Variants in WDR86 observed in about 807,000 individuals in gnomAD.
WDR86 encodes WD repeat-containing protein 86.
WDR86 carries 30 observed loss-of-function variants against 36.5 expected under a neutral mutation model. The ratio of observed to expected loss-of-function variants is 0.82; its 90% CI spans 0.61 to 1.11. The LOEUF is 1.11. WDR86 is among the 50% of genes most tolerant of loss of function. The probability of loss-of-function intolerance (pLI) is 0.00; values close to 1 mark genes in which losing one functional copy is unlikely to be tolerated. For missense variants in WDR86, 545 were observed against 561.2 expected, an observed-to-expected ratio of 0.97 and a Z score of 0.29; for synonymous variants, 255 against 252.9, an observed-to-expected ratio of 1.01 and a Z score of -0.08.
chr7:151,379,938 G>A (rs543676352), downstream of WDR86, among the ~76,000 whole-genome samples: 142 of 152,106 alleles, frequency 9.3e-4, 1 homozygote, highest in South Asian at 6.0e-3. Context: ...CACTCAAGGC[G>A]GTTCTCTGGC....
chr7:151,408,988 G>T (rs1310170984), intron 1 of WDR86: 1 of 476,602 alleles, frequency 2.1e-6, no homozygotes, highest in Non-Finnish European at 4.3e-6. Context: ...TACTGTTGCT[G>T]TGAGAGTCGT....
At chr7:151,402,070 A>AAAAAAATATATATATATATAT in intron 1 of WDR86, among the ~76,000 whole-genome samples, 14 of 50,520 alleles carry the variant, frequency 2.8e-4, no homozygotes, top group Non-Finnish European at 3.3e-4. Flanking sequence ...AAAAAAAAAA[A>AAAAAAATATATATATATATAT]ATATATATAT....
chr7:151,407,592 A>T (rs942427953), intron 1 of WDR86, among the ~76,000 whole-genome samples: 3 of 152,190 alleles, frequency 2.0e-5, no homozygotes, highest in Non-Finnish European at 4.4e-5. Context: ...TAATCTCAGC[A>T]CTTCGGGAGG....
Position 151,381,902 on chromosome 7 carries a change from G to A in WDR86, c.942C>T (p.His314=). The A allele has an allele frequency of 6.2e-7, 1 of 1,610,438 alleles. No individual in the cohort carries two copies. Among genetic ancestry groups the A allele is most frequent in the South Asian group, 1.1e-5 (1 of 90,562 alleles). Residue 314 remains histidine (H), a synonymous_variant, in exon 5 of 6, where the codon CAC becomes CAT. Transcript: ENST00000334493. This position sits in a 1 kb window ranked among gnomAD's most constrained non-coding sequence, Gnocchi z 4.8. ...CCTGGATGCAGTTGATGATGAATGT[G>A]TGGCCCCGGAACACCCTCCGCAGCT... is the stretch of plus-strand genomic sequence containing the variant. The part of the protein sequence containing the change: ...SGELRRVFRG[H]TFIINCIQVH...
chr7:151,382,979 CTTT>C (rs58266298), intron 4 of WDR86, among the ~76,000 whole-genome samples: 3 of 141,212 alleles, frequency 2.1e-5, no homozygotes, highest in Non-Finnish European at 3.1e-5. Flanking sequence ...GTTCCCCAGC[CTTT>C]TTTTTTTTTT....
downstream of WDR86, among the ~76,000 whole-genome samples, chr7:151,372,199 CTT>C (rs1432190584): frequency 5.9e-5 from 9 of 152,200 alleles, no homozygotes; most frequent in Non-Finnish European, 1.2e-4. Flanking sequence ...GTGCCTCTCT[CTT>C]GAGATCTGAT....
chr7:151,373,243 G>A (rs567834939), downstream of WDR86, among the ~76,000 whole-genome samples: 1 of 152,328 alleles, frequency 6.6e-6, no homozygotes, highest in African/African-American at 2.4e-5. Context: ...TTTGTTGAAA[G>A]CTTTCTGTCT....
intron 4 of WDR86, among the ~76,000 whole-genome samples, chr7:151,382,954 G>T (rs1235253567): frequency 6.6e-6 from 1 of 151,796 alleles, no homozygotes; most frequent in Non-Finnish European, 1.5e-5. Context: ...ATCTGAGGGT[G>T]CTCTGTGGGT....
intron 2 of WDR86, among the ~76,000 whole-genome samples, chr7:151,397,612 CGGGAGGAAGAGGGTGTA>C (rs1799917788): frequency 7.0e-6 from 1 of 141,894 alleles, no homozygotes. Context: ...CTGCAAAGTG[CGGGAGGAAGAGGGTGTA>C]GCGGGAGGAA....
chr7:151,407,042 T>C (rs949685533), intron 1 of WDR86, among the ~76,000 whole-genome samples: 1 of 152,212 alleles, frequency 6.6e-6, no homozygotes, highest in African/African-American at 2.4e-5. Flanking sequence ...AAGTTGAGCG[T>C]ATCAGTAGAA....
downstream of WDR86, chr7:151,377,989 C>G (rs1291727911): frequency 6.6e-6 from 1 of 152,190 alleles, no homozygotes; most frequent in Non-Finnish European, 1.5e-5. Flanking sequence ...AGACTCTGTG[C>G]TGTCATACTG....
At chr7:151,391,528 G>A (rs989291773) in intron 3 of WDR86, among the ~76,000 whole-genome samples, 1 of 152,192 alleles carries the variant, frequency 6.6e-6, no homozygotes, top group African/African-American at 2.4e-5. Context: ...TGAGCTGGGA[G>A]CCCGGGCGAG....
chr7:151,394,695 C>G (rs1799681738), intron 3 of WDR86, among the ~76,000 whole-genome samples: 1 of 152,238 alleles, frequency 6.6e-6, no homozygotes, highest in African/African-American at 2.4e-5. Context: ...CAGCACTGTT[C>G]ACGCATCTTC....
At chr7:151,402,073 ATATATAT>A (rs1800377006) in intron 1 of WDR86, among the ~76,000 whole-genome samples, 6 of 77,706 alleles carry the variant, frequency 7.7e-5, no homozygotes, top group Non-Finnish European at 1.5e-4. Context: ...AAAAAAAAAT[ATATATAT>A]ATATATATAT....
chr7:151,382,436 G>A (rs1464387298), intron 4 of WDR86, among the ~76,000 whole-genome samples: 4 of 152,160 alleles, frequency 2.6e-5, no homozygotes, highest in Admixed American at 6.5e-5. Flanking sequence ...GACCCCTAGC[G>A]GGGGCGAGCC....
intron 3 of WDR86, among the ~76,000 whole-genome samples, chr7:151,389,147 G>A (rs1349166481): frequency 6.8e-6 from 1 of 146,290 alleles, no homozygotes; most frequent in Non-Finnish European, 1.5e-5. Flanking sequence ...TTTGAGATGA[G>A]GTTTCTCCAT....
In WDR86 at chr7:151,381,529, C is replaced by T. The variant is rs577423617; in HGVS notation, c.*53G>A. ...CACCACCGCGGGTAGCAGGGCGGGGCGCTCTGGGAGCCGCTGGGTGTCTGG... is the reference window on the plus strand; with the variant it reads ...CACCACCGCGGGTAGCAGGGCGGGGTGCTCTGGGAGCCGCTGGGTGTCTGG... On this transcript the variant is annotated 3_prime_UTR_variant, in exon 6 of 6. Transcript: ENST00000334493. This position sits in a 1 kb window ranked among gnomAD's most constrained non-coding sequence, Gnocchi z 4.8. The T allele has an allele frequency of 5.0e-6, 7 of 1,410,480 alleles. No homozygotes were observed. In the South Asian group the frequency reaches 9.0e-5, roughly 18 times the overall value. 87.4% of individuals were successfully genotyped at this position (1,410,480 alleles called of 1,614,324 possible). A position where few individuals can be genotyped will look rare whatever the true frequency, so the allele number is the denominator to read the frequency against.
chr7:151,369,664 G>T, the WDR86 span, among the ~76,000 whole-genome samples: 1 of 152,164 alleles, frequency 6.6e-6, no homozygotes, highest in African/African-American at 2.4e-5. Context: ...AAGAACTGAG[G>T]TCTAGAGGGC....
chr7:151,392,177 G>A (rs965104105), intron 3 of WDR86, among the ~76,000 whole-genome samples: 9 of 152,158 alleles, frequency 5.9e-5, no homozygotes, highest in African/African-American at 9.7e-5. Flanking sequence ...CCCCAGCTCT[G>A]ATCGGGGCCC....
Sources: allele counts gnomAD v4.1 joint callset (sites outside exome capture counted in the v4.1 genomes callset), GRCh38; gene constraint gnomAD v4.1.1; non-coding constraint Gnocchi (gnomAD v3.1); transcripts MANE v1.5; gene names NCBI Gene and HGNC (gene_info 2026-07-23, HGNC 2026-07-21).